Variants in STARD13 observed in about 807,000 individuals in gnomAD.
The protein encoded by STARD13 is StAR related lipid transfer domain containing 13.
STARD13 carries 62 observed loss-of-function variants against 106.4 expected under a neutral mutation model. The observed-to-expected ratio is 0.58, with a 90% confidence interval of 0.48 to 0.72. STARD13 has a LOEUF of 0.72. STARD13 is among the 30% of genes least tolerant of loss of function. The pLI, the probability that STARD13 is intolerant of heterozygous loss-of-function variation, is 0.00. For missense variants in STARD13, 1,387 were observed against 1,424.0 expected (o/e 0.97, Z 0.42); for synonymous variants, 565 against 553.0 (o/e 1.02, Z -0.31).
chr13:33,437,736 T>G, the STARD13 span, among the ~76,000 whole-genome samples: 3 of 152,248 alleles, frequency 2.0e-5, no homozygotes, highest in Admixed American at 6.5e-5. Context: ...CTCCTTTGAT[T>G]TACATGTTCA....
chr13:33,668,538 T>C, the STARD13 span, among the ~76,000 whole-genome samples: 1 of 152,136 alleles, frequency 6.6e-6, no homozygotes, highest in African/African-American at 2.4e-5. Context: ...GCCTGTATAG[T>C]AGTGACAGAA....
the STARD13 span, among the ~76,000 whole-genome samples, chr13:33,399,578 G>A: frequency 6.6e-6 from 1 of 151,604 alleles, no homozygotes. Flanking sequence ...GCTGGTGCCT[G>A]TAGTCCCGGC....
the STARD13 span, among the ~76,000 whole-genome samples, chr13:33,579,122 A>G: frequency 1.1e-4 from 17 of 152,144 alleles, no homozygotes; most frequent in Non-Finnish European, 2.2e-4. Context: ...AAGTAATTCT[A>G]CCATTTGACC....
chr13:33,507,526 G>C, the STARD13 span, among the ~76,000 whole-genome samples: 1 of 152,088 alleles, frequency 6.6e-6, no homozygotes, highest in African/African-American at 2.4e-5. Flanking sequence ...AAGGGCTCTT[G>C]AGGCCAAAGT....
At chr13:33,507,718 A>AT in the STARD13 span, among the ~76,000 whole-genome samples, 1 of 152,238 alleles carries the variant, frequency 6.6e-6, no homozygotes, top group African/African-American at 2.4e-5. Flanking sequence ...CTTACTAATA[A>AT]TATAAATAGC....
chr13:33,544,372 C>T, the STARD13 span, among the ~76,000 whole-genome samples: 1 of 152,226 alleles, frequency 6.6e-6, no homozygotes, highest in Admixed American at 6.5e-5. Flanking sequence ...CTGTCAAATT[C>T]TGACTGTGCC....
At chr13:33,492,091 C>G in the STARD13 span, among the ~76,000 whole-genome samples, 1 of 151,966 alleles carries the variant, frequency 6.6e-6, no homozygotes, top group South Asian at 2.1e-4. Flanking sequence ...AGCTTTTGAG[C>G]CAGGATGAGG....
chr13:33,190,378 A>G (rs182529077), intron 1 of STARD13, among the ~76,000 whole-genome samples: 382 of 152,250 alleles, frequency 2.5e-3, no homozygotes, highest in African/African-American at 8.7e-3. Flanking sequence ...CTATGATCCT[A>G]TCACTGTACT....
At chr13:33,510,909 T>C in the STARD13 span, among the ~76,000 whole-genome samples, 7 of 152,212 alleles carry the variant, frequency 4.6e-5, no homozygotes, top group South Asian at 8.3e-4. Context: ...GAAATTGAGT[T>C]CACAAGCCAA....
At chr13:33,670,740 C>A in the STARD13 span, among the ~76,000 whole-genome samples, 1 of 152,230 alleles carries the variant, frequency 6.6e-6, no homozygotes, top group South Asian at 2.1e-4. Flanking sequence ...ACCAGACATC[C>A]CCTCCCCCGA....
the STARD13 span, among the ~76,000 whole-genome samples, chr13:33,608,954 C>T: frequency 7.2e-4 from 109 of 151,452 alleles, no homozygotes; most frequent in South Asian, 6.0e-3. Context: ...GGCGTGGTGG[C>T]GGGCGCCTGT....
the STARD13 span, among the ~76,000 whole-genome samples, chr13:33,550,540 G>C: frequency 6.6e-6 from 1 of 152,128 alleles, no homozygotes; most frequent in Non-Finnish European, 1.5e-5. Flanking sequence ...GATGACCTTA[G>C]TAACCTCATC....
the STARD13 span, among the ~76,000 whole-genome samples, chr13:33,394,370 T>C: frequency 6.6e-6 from 1 of 152,152 alleles, no homozygotes; most frequent in African/African-American, 2.4e-5. Context: ...AAAATTCATT[T>C]CCTCCATCAC....
the STARD13 span, among the ~76,000 whole-genome samples, chr13:33,583,416 C>T: frequency 6.6e-6 from 1 of 152,156 alleles, no homozygotes; most frequent in Non-Finnish European, 1.5e-5. Flanking sequence ...CCTATCATTT[C>T]CCACTTCTTC....
At chr13:33,272,857 A>G (rs1354307996) in intron 1 of STARD13, 1 of 152,272 alleles carries the variant, frequency 6.6e-6, no homozygotes, top group Non-Finnish European at 1.5e-5. Flanking sequence ...CAACAGAAAT[A>G]TAATGGCTTT....
At chr13:33,453,499 T>A in the STARD13 span, among the ~76,000 whole-genome samples, 1 of 152,212 alleles carries the variant, frequency 6.6e-6, no homozygotes, top group Non-Finnish European at 1.5e-5. Flanking sequence ...ACACTGGTGA[T>A]GTTGGCTTTT....
At chr13:33,262,662 A>ACAACGCACACAC (rs5802678) in intron 1 of STARD13, among the ~76,000 whole-genome samples, 1 of 114,900 alleles carries the variant, frequency 8.7e-6, no homozygotes, top group African/African-American at 3.3e-5. Flanking sequence ...ACACACACAC[A>ACAACGCACACAC]ACACACACAC....
chr13:33,559,559 A>G, the STARD13 span, among the ~76,000 whole-genome samples: 2,499 of 151,530 alleles, frequency 0.016, 182 homozygotes, highest in African/African-American at 0.058. Context: ...TAGTGTCCTT[A>G]TAAGAAAAGG....
the STARD13 span, among the ~76,000 whole-genome samples, chr13:33,519,758 G>A: frequency 6.6e-6 from 1 of 152,064 alleles, no homozygotes; most frequent in African/African-American, 2.4e-5. Flanking sequence ...ACAGTGGAGA[G>A]ACCTTGAAAC....
Sources: allele counts gnomAD v4.1 joint callset (sites outside exome capture counted in the v4.1 genomes callset), GRCh38; gene constraint gnomAD v4.1.1; transcripts MANE v1.5; gene names NCBI Gene and HGNC (gene_info 2026-07-23, HGNC 2026-07-21).